RBM26: variants seen among roughly 807,000 people sequenced by gnomAD.
RBM26 encodes RNA binding motif protein 26, also known as RNA-binding protein 26.
A neutral mutation model predicts 123.6 loss-of-function variants in RBM26; 30 were observed. That is an observed-to-expected ratio of 0.24 (90% CI 0.18 to 0.33). The LOEUF is 0.33. Ranked by LOEUF, RBM26 falls within the 10% of genes least tolerant of loss-of-function variation. The probability of loss-of-function intolerance (pLI) is 1.00; values close to 1 mark genes in which losing one functional copy is unlikely to be tolerated. For synonymous variants in RBM26, 400 were observed against 404.4 expected (o/e 0.99, Z 0.13); for missense variants, 947 against 1,203.6 (o/e 0.79, Z 3.15).
intron 1 of RBM26, among the ~76,000 whole-genome samples, chr13:79,401,009 C>T (rs1252295562): frequency 6.6e-6 from 1 of 152,072 alleles, no homozygotes; most frequent in Non-Finnish European, 1.5e-5. Context: ...TTGTTTTTTG[C>T]TATTATTGCT....
rs2075824376 is a variant in RBM26, at chr13:79,371,012, T to C, written c.567A>G (p.Lys189=). 3.1e-6 allele frequency: 5 copies of C among 1,607,480 alleles called. No individual in the cohort carries two copies. Among genetic ancestry groups the C allele is most frequent in the Non-Finnish European group, 4.3e-6 (5 of 1,173,896 alleles). ...YSRSRSRSWS[K]ERLRERDRDR... ...CTCTGTCCCTCTCACGAAGCCTCTCTTTACTCCAACTTCGACTTCGACTCC... is the reference window on the plus strand; with the variant it reads ...CTCTGTCCCTCTCACGAAGCCTCTCCTTACTCCAACTTCGACTTCGACTCC... Residue 189 remains lysine, a synonymous_variant, in exon 5 of 22, where the codon AAA becomes AAG. Coordinates refer to ENST00000438737, the MANE Select transcript of RBM26 (RefSeq NM_001366735.2).
intron 9 of RBM26, among the ~76,000 whole-genome samples, 157 bp from the exon 10 acceptor site, chr13:79,359,843 A>T (rs1201803906): frequency 6.6e-6 from 1 of 151,190 alleles, no homozygotes; most frequent in Non-Finnish European, 1.5e-5. Context: ...ATAAATGTAT[A>T]GTAGCTCCCC....
intron 19 of RBM26, among the ~76,000 whole-genome samples, chr13:79,336,420 T>C (rs9530897): frequency 0.5 from 76,741 of 151,984 alleles, 19,774 homozygotes; most frequent in Middle Eastern, 0.6. Context: ...CTATTAAATA[T>C]AATGCTGAGG....
At chr13:79,333,104 T>G (rs998398747) in intron 20 of RBM26, among the ~76,000 whole-genome samples, 6 of 152,178 alleles carry the variant, frequency 3.9e-5, no homozygotes, top group African/African-American at 1.4e-4. Context: ...ACTCTAAACT[T>G]GCACTTAACA....
intron 6 of RBM26, among the ~76,000 whole-genome samples, chr13:79,368,191 A>G (rs550622709): frequency 7.4e-4 from 112 of 152,084 alleles, no homozygotes; most frequent in African/African-American, 2.4e-3. Flanking sequence ...CGCCCAGCTA[A>G]TTTGTTGTAT....
At chr13:79,401,684 G>A (rs1193411929) in intron 1 of RBM26, among the ~76,000 whole-genome samples, 1 of 152,182 alleles carries the variant, frequency 6.6e-6, no homozygotes, top group Non-Finnish European at 1.5e-5. Context: ...GAAAGGAGGG[G>A]AAGGGCAAGG....
intron 1 of RBM26, among the ~76,000 whole-genome samples, chr13:79,386,460 T>C (rs2077492411): frequency 6.7e-6 from 1 of 150,118 alleles, no homozygotes; most frequent in African/African-American, 2.4e-5. Flanking sequence ...AAAGACCCAA[T>C]AGTCAGATAA....
intron 1 of RBM26, among the ~76,000 whole-genome samples, chr13:79,394,694 C>T (rs2078402994): frequency 6.6e-6 from 1 of 152,180 alleles, no homozygotes; most frequent in Non-Finnish European, 1.5e-5. Context: ...AGTGCAGTGG[C>T]ACCAGCTTGG....
intron 1 of RBM26, among the ~76,000 whole-genome samples, chr13:79,391,551 G>A (rs1410183410): frequency 6.6e-6 from 1 of 152,024 alleles, no homozygotes; most frequent in Non-Finnish European, 1.5e-5. Context: ...AGCTTCCCCT[G>A]TAGCTGGGAT....
chr13:79,341,022 A>G, intron 18 of RBM26, 101 bp downstream of exon 18: 1 of 628,172 alleles, frequency 1.6e-6, no homozygotes. Flanking sequence ...ATTACCAACA[A>G]TTACTAATGA....
Position 79,378,926 on chromosome 13 carries a change from G to A in RBM26, c.72-19C>T, listed in dbSNP as rs186791994. On this transcript the variant is annotated intron_variant, in intron 1 of 21. Transcript: ENST00000438737. Reference sequence around the variant, plus strand: ...ATCACAGCTAAAGAAAAAAACCAATGTTGAAGAAAATTTAGCCAACTGCAC... The same window carrying A: ...ATCACAGCTAAAGAAAAAAACCAATATTGAAGAAAATTTAGCCAACTGCAC... The A allele has an allele frequency of 2.0e-6, 3 of 1,491,634 alleles. No individual in the cohort carries two copies. The highest frequency in any genetic ancestry group is 3.8e-5 in the Admixed American group (2 of 52,690). The allele number at this position is 1,491,634 out of a possible 1,614,324, so 92.4% of individuals were successfully genotyped here. A position where few individuals can be genotyped will look rare whatever the true frequency, so the allele number is the denominator to read the frequency against.
intron 1 of RBM26, among the ~76,000 whole-genome samples, chr13:79,404,664 G>A (rs1287230033): frequency 6.6e-6 from 1 of 152,116 alleles, no homozygotes; most frequent in Non-Finnish European, 1.5e-5. Flanking sequence ...CTTTTGCAAG[G>A]AATGTTCTTT....
intron 20 of RBM26, among the ~76,000 whole-genome samples, chr13:79,323,101 A>C (rs1191407027): frequency 6.6e-6 from 1 of 151,512 alleles, no homozygotes; most frequent in African/African-American, 2.4e-5. Context: ...TTTTCCTACC[A>C]AACTTTTATA....
chr13:79,371,130 G>T lies in RBM26; in HGVS notation c.449C>A (p.Ser150Tyr). ...SRDERKKDDR[S>Y]RKRDYDRNPP... Reference sequence around the variant, plus strand: ...GTTTCGATCATAATCTCTTTTGCGAGAACGATCATCTTTTTTCCTCTCATC... The same window carrying T: ...GTTTCGATCATAATCTCTTTTGCGATAACGATCATCTTTTTTCCTCTCATC... The change falls in exon 5 of 22, where the codon TCT becomes TAT. Residue 150 changes from serine (S) to tyrosine (Y), a missense_variant. Coordinates refer to ENST00000438737, the MANE Select transcript of RBM26 (RefSeq NM_001366735.2). 1.9e-6 allele frequency: 3 copies of T among 1,614,020 alleles called. No individual in the cohort carries two copies. Among genetic ancestry groups the T allele is most frequent in the Non-Finnish European group, 2.5e-6 (3 of 1,179,992 alleles).
intron 1 of RBM26, among the ~76,000 whole-genome samples, chr13:79,382,602 T>C (rs888779760): frequency 1.3e-5 from 2 of 151,936 alleles, no homozygotes; most frequent in African/African-American, 2.4e-5. Flanking sequence ...AACTACAAAA[T>C]AAGGCATGAG....
At chr13:79,353,972 CT>C (rs1303374289) in intron 13 of RBM26, among the ~76,000 whole-genome samples, 2 of 152,138 alleles carry the variant, frequency 1.3e-5, no homozygotes, top group Non-Finnish European at 2.9e-5. Context: ...AGTCTAAGTA[CT>C]TAAAACAGTA....
In RBM26 at chr13:79,319,415, T is replaced by C. The variant is rs2067442801; in HGVS notation, c.*1206A>G. 2.0e-6 allele frequency: 2 copies of C among 984,484 alleles called. No homozygotes were observed. Among genetic ancestry groups the C allele is most frequent in the Non-Finnish European group, 2.4e-6 (2 of 829,402 alleles). 61.0% of individuals were successfully genotyped at this position (984,484 alleles called of 1,614,324 possible). ...TGGAAACTGCCATATCAACTTTCAA[T>C]GATCATGTTCACTTGCAAAAGAAAT... On this transcript the variant is annotated 3_prime_UTR_variant, in exon 22 of 22. Coordinates refer to ENST00000438737, the MANE Select transcript of RBM26 (RefSeq NM_001366735.2).
rs775126128 is a variant in RBM26, at chr13:79,368,840, T to C, written c.785A>G (p.His262Arg). 1 of 1,613,990 alleles carries C rather than the reference T, an allele frequency of 6.2e-7. No homozygotes were observed. Among genetic ancestry groups the C allele is most frequent in the Non-Finnish European group, 8.5e-7 (1 of 1,179,890 alleles). ...SSTITVIAPT[H>R]HGNNTTESWS... ...ACTTTCGGTAGTGTTGTTTCCATGA[T>C]GAGTAGGAGCAATTACTGTAATAGT... The change falls in exon 6 of 22, where the codon CAT (histidine) becomes CGT (arginine). Residue 262 changes from histidine to arginine, a missense_variant. By Grantham distance (29) the His-to-Arg change is conservative. Around this residue, in one of 5 missense-constraint regions of RBM26, gnomAD observed 275 missense variants for 361.0 expected, o/e 0.76. Transcript: ENST00000438737.
At position 79,366,112 on chromosome 13, in the gene RBM26, C is replaced by G; in HGVS notation, c.1219G>C (p.Val407Leu). The G allele has an allele frequency of 6.2e-7, 1 of 1,614,028 alleles. No individual in the cohort carries two copies. The highest frequency in any genetic ancestry group is 8.5e-7 in the Non-Finnish European group (1 of 1,179,930). ...NSATSSVPTVVTTGIHHQPPP... is the reference protein window; with the variant it reads ...NSATSSVPTVLTTGIHHQPPP... ...GGCTGGTGATGAATGCCAGTTGTTA[C>G]TACAGTAGGAACAGAACTGGTTGCA... is the stretch of plus-strand genomic sequence containing the variant. Residue 407 changes from valine (V) to leucine (L), a missense_variant, in exon 8 of 22, where the codon GTA (valine) becomes CTA (leucine). Coordinates refer to ENST00000438737, the MANE Select transcript of RBM26 (RefSeq NM_001366735.2).
Sources: gnomAD v4.1 joint callset for allele counts (sites outside exome capture counted in the v4.1 genomes callset) on GRCh38, gnomAD v4.1.1 for gene constraint, gnomAD v4.1.1 regional missense constraint, MANE v1.5 for transcripts, NCBI Gene and HGNC (gene_info 2026-07-23, HGNC 2026-07-21) for gene names.